The following C2orf76 variants were observed in gnomAD, a reference collection of about 807,000 sequenced individuals.
C2orf76 encodes the protein chromosome 2 open reading frame 76.
A neutral mutation model predicts 16.9 loss-of-function variants in C2orf76; 23 were observed. The observed-to-expected ratio is 1.36, with a 90% CI of 0.98 to 1.93. The LOEUF (loss-of-function observed/expected upper bound fraction) is 1.93, where lower values mean the gene tolerates loss of function less well. Among genes scored for constraint, C2orf76 ranks in the 30% most tolerant of loss-of-function variants. The pLI, the probability that C2orf76 is intolerant of heterozygous loss-of-function variation, is 0.00. For synonymous variants in C2orf76, 48 were observed against 52.3 expected (o/e 0.92, Z 0.35); for missense variants, 152 against 152.6 (o/e 1.00, Z 0.02).
intron 1 of C2orf76, among the ~76,000 whole-genome samples, chr2:119,351,738 CA>C (rs1275874984): frequency 6.6e-6 from 1 of 151,680 alleles, no homozygotes; most frequent in Non-Finnish European, 1.5e-5. Flanking sequence ...CCAGCCTGGG[CA>C]ACAGAGCGAG....
At chr2:119,305,628 G>A (rs1232642645) in intron 5 of C2orf76, among the ~76,000 whole-genome samples, 2 of 151,518 alleles carry the variant, frequency 1.3e-5, no homozygotes, top group Admixed American at 6.6e-5. Flanking sequence ...GCACACTGTT[G>A]ACAAAAAAAA....
intron 2 of C2orf76, among the ~76,000 whole-genome samples, chr2:119,329,360 A>G (rs1679603295): frequency 6.6e-6 from 1 of 152,170 alleles, no homozygotes; most frequent in South Asian, 2.1e-4. Context: ...TCATATCAGC[A>G]TGGTATAACT....
chr2:119,310,631 T>C (rs1305104131), intron 5 of C2orf76, among the ~76,000 whole-genome samples: 1 of 152,100 alleles, frequency 6.6e-6, no homozygotes, highest in Non-Finnish European at 1.5e-5. Flanking sequence ...ATGAACAATG[T>C]GAGGCCGAGG....
chr2:119,321,237 A>G, intron 2 of C2orf76, 33 bp from the exon 3 acceptor site: 1 of 1,150,152 alleles, frequency 8.7e-7, no homozygotes, highest in Non-Finnish European at 1.3e-6. Flanking sequence ...TTACACAATA[A>G]GCAAATAGAC....
At chr2:119,306,699 A>C (rs184707527) in intron 5 of C2orf76, among the ~76,000 whole-genome samples, 1 of 152,192 alleles carries the variant, frequency 6.6e-6, no homozygotes, top group African/African-American at 2.4e-5. Context: ...ACAAAAAATT[A>C]TAAGTAACAT....
chr2:119,287,110 T>C, the C2orf76 span, among the ~76,000 whole-genome samples: 4,111 of 152,224 alleles, frequency 0.027, 167 homozygotes, highest in African/African-American at 0.094. Context: ...AAGATGCAGA[T>C]AACTAGTACC....
At chr2:119,354,349 C>T (rs188231430) in intron 1 of C2orf76, among the ~76,000 whole-genome samples, 5 of 152,180 alleles carry the variant, frequency 3.3e-5, no homozygotes, top group East Asian at 3.9e-4. Flanking sequence ...GGTGAAACCC[C>T]GTCTCTACTA....
intron 1 of C2orf76, among the ~76,000 whole-genome samples, chr2:119,346,853 G>A (rs1021054734): frequency 6.6e-6 from 1 of 152,166 alleles, no homozygotes; most frequent in Non-Finnish European, 1.5e-5. Context: ...TTCATTGCTT[G>A]TATCAATTTC....
intron 1 of C2orf76, among the ~76,000 whole-genome samples, chr2:119,350,309 T>C (rs1436439157): frequency 6.6e-6 from 1 of 152,094 alleles, no homozygotes; most frequent in African/African-American, 2.4e-5. Context: ...TAATTATATA[T>C]GTTAGATTTA....
chr2:119,283,615 C>T, the C2orf76 span, among the ~76,000 whole-genome samples: 1 of 152,060 alleles, frequency 6.6e-6, no homozygotes, highest in Non-Finnish European at 1.5e-5. Context: ...GCTGAGATTA[C>T]AGGCGCCCAC....
At chr2:119,291,342 C>T in the C2orf76 span, among the ~76,000 whole-genome samples, 1 of 151,916 alleles carries the variant, frequency 6.6e-6, no homozygotes, top group African/African-American at 2.4e-5. Flanking sequence ...CATTCTACCA[C>T]CTCACTCCAC....
At chr2:119,363,530 T>A (rs1680821279) in intron 1 of C2orf76, among the ~76,000 whole-genome samples, 2 of 152,096 alleles carry the variant, frequency 1.3e-5, no homozygotes, top group South Asian at 4.1e-4. Flanking sequence ...AGAATGAATG[T>A]AATCCATCAT....
At chr2:119,345,512 GAA>G (rs1166128832) in intron 1 of C2orf76, among the ~76,000 whole-genome samples, 1 of 152,168 alleles carries the variant, frequency 6.6e-6, no homozygotes, top group African/African-American at 2.4e-5. Flanking sequence ...TTCACCCTGA[GAA>G]GAGAATCATA....
intron 1 of C2orf76, 26 bp from the exon 2 acceptor site, chr2:119,339,997 C>T (rs1025219537): frequency 6.3e-7 from 1 of 1,592,222 alleles, no homozygotes; most frequent in African/African-American, 1.3e-5. Flanking sequence ...TGAGAACCAT[C>T]TAAATGAAGC....
At chr2:119,343,654 C>T (rs538706675) in intron 1 of C2orf76, among the ~76,000 whole-genome samples, 2 of 152,052 alleles carry the variant, frequency 1.3e-5, no homozygotes, top group Non-Finnish European at 2.9e-5. Flanking sequence ...CCATGTTAGC[C>T]GGGCGTGGTG....
chr2:119,350,065 C>T (rs1680337606), intron 1 of C2orf76, among the ~76,000 whole-genome samples: 1 of 70,968 alleles, frequency 1.4e-5, no homozygotes, highest in Admixed American at 1.2e-4. Flanking sequence ...GCCCCGCCCA[C>T]ACCGCCCCCC....
At chr2:119,318,552 C>T (rs181087816) in intron 3 of C2orf76, among the ~76,000 whole-genome samples, 122 of 143,202 alleles carry the variant, frequency 8.5e-4, no homozygotes, top group African/African-American at 3.0e-3. Flanking sequence ...TTTTTTGAGA[C>T]GGAGTCTTGC....
the C2orf76 span, among the ~76,000 whole-genome samples, chr2:119,283,566 C>T: frequency 0.027 from 4,071 of 152,266 alleles, 87 homozygotes; most frequent in East Asian, 0.13. Flanking sequence ...CCTCTGCCTC[C>T]TGAGTTCAAG....
intron 1 of C2orf76, among the ~76,000 whole-genome samples, chr2:119,364,951 G>A (rs1680876735): frequency 1.3e-5 from 2 of 152,078 alleles, no homozygotes; most frequent in African/African-American, 4.8e-5. Context: ...CAGGCATGGT[G>A]GTTGTGCCCA....
Sources: gnomAD v4.1 joint callset for allele counts (sites outside exome capture counted in the v4.1 genomes callset) on GRCh38, gnomAD v4.1.1 for gene constraint, MANE v1.5 for transcripts, NCBI Gene and HGNC (gene_info 2026-07-23, HGNC 2026-07-21) for gene names.